The following LRRIQ1 variants were observed in gnomAD, a reference collection of about 807,000 sequenced individuals.
LRRIQ1 encodes the protein leucine rich repeats and IQ motif containing 1.
A neutral mutation model predicts 211.9 loss-of-function variants in LRRIQ1; 210 were observed. The observed-to-expected ratio is 0.99, with a 90% CI of 0.89 to 1.11. LRRIQ1 has a LOEUF of 1.11. Among genes scored for constraint, LRRIQ1 ranks in the 50% most tolerant of loss-of-function variants. LRRIQ1 has a pLI of 0.00. For synonymous variants in LRRIQ1, 699 were observed against 650.1 expected (o/e 1.08, Z -1.14); for missense variants, 2,136 against 1,939.5 (o/e 1.10, Z -1.90).
intron 24 of LRRIQ1, among the ~76,000 whole-genome samples, chr12:85,215,117 CACAA>C: frequency 6.6e-6 from 1 of 152,090 alleles, no homozygotes; most frequent in East Asian, 1.9e-4. Context: ...AATTAAAACA[CACAA>C]ACAAATAAAC....
intron 11 of LRRIQ1, among the ~76,000 whole-genome samples, chr12:85,088,653 G>C (rs1350087832): frequency 6.6e-6 from 1 of 152,060 alleles, no homozygotes; most frequent in East Asian, 1.9e-4. Context: ...CCTTGAAGAG[G>C]TCCTTCACAT....
In LRRIQ1 at chr12:85,098,950, A is replaced by T. The variant is rs752823335; in HGVS notation, c.3165A>T (p.Ser1055=). 17 of 1,575,494 alleles carry T rather than the reference A, an allele frequency of 1.1e-5. No individual in the cohort carries two copies. Among genetic ancestry groups the T allele is most frequent in the Non-Finnish European group, 1.3e-5 (15 of 1,158,218 alleles). The change falls in exon 13 of 27, where the codon TCA becomes TCT. Residue 1055 remains serine, a synonymous_variant. Coordinates refer to ENST00000393217, the MANE Select transcript of LRRIQ1 (RefSeq NM_001079910.2). ...NSISTVEAFS[S]YWLPLLQNIT... is the part of the protein sequence containing the mutation. ...TTTCAACTGTGGAAGCATTTTCTTCATACTGGCTGCCTTTACTACAAAATA... is the reference window on the plus strand; with the variant it reads ...TTTCAACTGTGGAAGCATTTTCTTCTTACTGGCTGCCTTTACTACAAAATA...
At position 85,056,886 on chromosome 12, in the gene LRRIQ1, C is replaced by G. The variant is rs1264904002; in HGVS notation, c.2093C>G (p.Ser698Cys). The change falls in exon 8 of 27, where the codon TCT (serine) becomes TGT (cysteine). Residue 698 changes from serine (S) to cysteine (C), a missense_variant. By Grantham distance (112) the Ser-to-Cys change is moderately radical. Coordinates refer to ENST00000393217, the MANE Select transcript of LRRIQ1 (RefSeq NM_001079910.2). ...SNYNAESSMVSKEVNSLKSEI... is the reference protein window; with the variant it reads ...SNYNAESSMVCKEVNSLKSEI... ...TATAATGCAGAAAGCTCCATGGTAT[C>G]TAAAGAAGTCAACTCTCTTAAATCT... The G allele has an allele frequency of 9.9e-6, 16 of 1,613,312 alleles. No homozygotes were observed. The highest frequency in any genetic ancestry group is 1.7e-5 in the Admixed American group (1 of 59,924).
At position 85,233,334 on chromosome 12, in the gene LRRIQ1, A is replaced by G. The variant is rs1895036692; in HGVS notation, c.5016+578A>G. ...GAATGGTCAATTTGGAGTCTAGGAAAACTGATCACATAAAATAAGAATTTT... is the reference window on the plus strand; with the variant it reads ...GAATGGTCAATTTGGAGTCTAGGAAGACTGATCACATAAAATAAGAATTTT... On this transcript the variant is annotated intron_variant, in intron 26 of 26. Transcript: ENST00000393217. Among the ~76,000 whole-genome samples, 3 of 151,932 alleles carry G rather than the reference A, an allele frequency of 2.0e-5. No homozygotes were observed. In the South Asian group the frequency reaches 6.2e-4, roughly 32 times the overall value.
At chr12:85,153,986 C>A in intron 22 of LRRIQ1, 26 bp from the exon 23 acceptor site, 1 of 1,442,720 alleles carries the variant, frequency 6.9e-7, no homozygotes, top group Non-Finnish European at 9.4e-7. Context: ...TTTGTTTTAC[C>A]TTTATTATAT....
chr12:85,097,244 G>A (rs554014198), intron 11 of LRRIQ1, among the ~76,000 whole-genome samples: 1 of 152,170 alleles, frequency 6.6e-6, no homozygotes, highest in Non-Finnish European at 1.5e-5. Context: ...TTAACAGGAA[G>A]TATGACCGGG....
rs759208263 is a variant in LRRIQ1, at chr12:85,098,527, A to G, written c.3060A>G (p.Leu1020=). The change falls in exon 12 of 27, where the codon TTA becomes TTG. Residue 1020 remains leucine (L), a synonymous_variant. Coordinates refer to ENST00000393217, the MANE Select transcript of LRRIQ1 (RefSeq NM_001079910.2). ...ENCGLLQILK[L]QGNYLSELPS... ...GTGGATTGCTCCAAATATTGAAGTT[A>G]CAGGGAAATTATCTGAGTGAGGTAA... is the stretch of plus-strand genomic sequence containing the variant. The G allele has an allele frequency of 6.2e-7, 1 of 1,609,040 alleles. No homozygotes were observed. Among genetic ancestry groups the G allele is most frequent in the Non-Finnish European group, 8.5e-7 (1 of 1,177,992 alleles).
At chr12:85,121,676 C>T (rs1565848162) in intron 15 of LRRIQ1, 21 bp from the exon 16 acceptor site, 1 of 1,528,088 alleles carries the variant, frequency 6.5e-7, no homozygotes, top group Admixed American at 2.2e-5. Flanking sequence ...GGATTATTAA[C>T]TTTTTTGTTG....
At chr12:85,193,047 A>C (rs1190280837) in intron 24 of LRRIQ1, among the ~76,000 whole-genome samples, 2 of 109,602 alleles carry the variant, frequency 1.8e-5, no homozygotes, top group Non-Finnish European at 3.4e-5. Flanking sequence ...TATTTATAAT[A>C]AATATAATAT....
intron 24 of LRRIQ1, among the ~76,000 whole-genome samples, chr12:85,164,970 G>A (rs1327145746): frequency 6.6e-6 from 1 of 152,030 alleles, no homozygotes; most frequent in Non-Finnish European, 1.5e-5. Flanking sequence ...TCTCATAGTT[G>A]CATTAATATA....
At chr12:85,170,069 T>G (rs1891337104) in intron 24 of LRRIQ1, among the ~76,000 whole-genome samples, 1 of 152,064 alleles carries the variant, frequency 6.6e-6, no homozygotes, top group South Asian at 2.1e-4. Flanking sequence ...TAAAACAAAC[T>G]ATAACTTTTA....
chr12:85,047,576 A>T, intron 6 of LRRIQ1, 106 bp downstream of exon 6: 1 of 876,836 alleles, frequency 1.1e-6, no homozygotes, highest in Non-Finnish European at 1.8e-6. Flanking sequence ...ATGACTTTTA[A>T]TTACTCTCTG....
At chr12:85,160,037 G>T (rs950208858) in intron 23 of LRRIQ1, among the ~76,000 whole-genome samples, 2 of 151,934 alleles carry the variant, frequency 1.3e-5, no homozygotes, top group African/African-American at 4.8e-5. Flanking sequence ...TCATGCTGGA[G>T]AATAGCTATG....
chr12:85,242,767 A>G (rs1421684113), intron 26 of LRRIQ1, among the ~76,000 whole-genome samples: 3 of 151,890 alleles, frequency 2.0e-5, no homozygotes, highest in Non-Finnish European at 2.9e-5. Context: ...GTTTGCTTTT[A>G]AGCTGCTAAA....
In LRRIQ1 at chr12:85,185,799, T is replaced by C. The variant is rs895652162; in HGVS notation, c.4822+25085T>C. Among the ~76,000 whole-genome samples the C allele has an allele frequency of 2.6e-5, 4 of 152,034 alleles. No homozygotes were observed. The East Asian group carries it at 7.7e-4, about 29-fold the overall frequency. On this transcript the variant is annotated intron_variant, in intron 24 of 26. Transcript: ENST00000393217. ...CTTTGATTTAAATGAATGTTTCAGCTACCTATTTATAAACACAGCTTTTGC... is the reference window on the plus strand; with the variant it reads ...CTTTGATTTAAATGAATGTTTCAGCCACCTATTTATAAACACAGCTTTTGC...
chr12:85,111,088 TA>T (rs552964602), intron 15 of LRRIQ1, among the ~76,000 whole-genome samples: 87 of 152,222 alleles, frequency 5.7e-4, no homozygotes, highest in Non-Finnish European at 1.0e-3. Context: ...AATACTAGAT[TA>T]TTTCTTGTTT....
chr12:85,265,250 T>C (rs1896396319), downstream of LRRIQ1, among the ~76,000 whole-genome samples: 1 of 152,056 alleles, frequency 6.6e-6, no homozygotes, highest in African/African-American at 2.4e-5. Flanking sequence ...AGAAACATAG[T>C]GATGTCCTTA....
At chr12:85,091,499 A>C (rs1885388450) in intron 11 of LRRIQ1, among the ~76,000 whole-genome samples, 1 of 152,094 alleles carries the variant, frequency 6.6e-6, no homozygotes, top group Non-Finnish European at 1.5e-5. Flanking sequence ...TCTTTAGTTT[A>C]ATTAGGTCCC....
chr12:85,052,608 A>G (rs1880468880), intron 7 of LRRIQ1, among the ~76,000 whole-genome samples: 1 of 152,112 alleles, frequency 6.6e-6, no homozygotes, highest in African/African-American at 2.4e-5. Context: ...TATTCTGATG[A>G]TACATATACT....
Sources: allele counts gnomAD v4.1 joint callset (sites outside exome capture counted in the v4.1 genomes callset), GRCh38; gene constraint gnomAD v4.1.1; transcripts MANE v1.5; gene names NCBI Gene and HGNC (gene_info 2026-07-23, HGNC 2026-07-21).